PCDHGB3: variants seen among roughly 807,000 people sequenced by gnomAD.
The protein encoded by PCDHGB3 is protocadherin gamma-B3.
In PCDHGB3, 40 loss-of-function variants were observed where a neutral mutation model predicts 59.2. The observed-to-expected ratio is 0.68, with a 90% CI of 0.52 to 0.88. The LOEUF (loss-of-function observed/expected upper bound fraction) is 0.88. Among genes scored for constraint, PCDHGB3 ranks in the 40% least tolerant of loss-of-function variants. The pLI, the probability that PCDHGB3 is intolerant of heterozygous loss-of-function variation, is 0.00. For missense variants in PCDHGB3, 1,309 were observed against 1,187.9 expected, an observed-to-expected ratio of 1.10 and a Z score of -1.50; for synonymous variants, 581 against 503.6, an observed-to-expected ratio of 1.15 and a Z score of -2.06.
chr5:141,375,058 A>G (rs1346702145), intron 1 of PCDHGB3: 1 of 1,613,948 alleles, frequency 6.2e-7, no homozygotes, highest in Non-Finnish European at 8.5e-7. Flanking sequence ...GGGATGGGCC[A>G]GGTCTTCGAG....
intron 1 of PCDHGB3, chr5:141,413,463 G>A: frequency 6.2e-7 from 1 of 1,614,128 alleles, no homozygotes; most frequent in African/African-American, 1.3e-5. Flanking sequence ...GGATAGACCG[G>A]GAGGAGCTCT....
chr5:141,398,989 T>A lies in PCDHGB3; in HGVS notation c.2415+26180T>A, dbSNP rs766277028. 153 of 1,613,914 alleles carry A rather than the reference T, an allele frequency of 9.5e-5. No individual in the cohort carries two copies. The Middle Eastern group carries it at 3.6e-3, about 38-fold the overall frequency. ...TTCCTTCTACAGAACCGGGCAAATC[T>A]TTAGTCTGAATTCAAAGAGCGGAGA... is the stretch of plus-strand genomic sequence containing the variant. On this transcript the variant is annotated intron_variant, in intron 1 of 3. Coordinates refer to ENST00000576222, the MANE Select transcript of PCDHGB3 (RefSeq NM_018924.5).
intron 1 of PCDHGB3, chr5:141,419,971 C>T (rs1254783575): frequency 1.2e-6 from 2 of 1,613,942 alleles, no homozygotes; most frequent in African/African-American, 2.7e-5. Context: ...TGCTCTTTCT[C>T]CTCGCGGTGA....
chr5:141,413,435 G>T lies in PCDHGB3; in HGVS notation c.2415+40626G>T, dbSNP rs1018097924. 17 of 1,614,004 alleles carry T rather than the reference G, an allele frequency of 1.1e-5. No homozygotes were observed. The African/African-American group carries it at 2.1e-4, about 20-fold the overall frequency. On this transcript the variant is annotated intron_variant, in intron 1 of 3. Coordinates refer to ENST00000576222, the MANE Select transcript of PCDHGB3 (RefSeq NM_018924.5). Reference sequence around the variant, plus strand: ...TTCTCTCTGAACCCGCGCAGCGGCAGCTTGATCACCGCGGGCAGGATAGAC... The same window carrying T: ...TTCTCTCTGAACCCGCGCAGCGGCATCTTGATCACCGCGGGCAGGATAGAC...
At chr5:141,398,764 A>G in intron 1 of PCDHGB3, 2 of 1,613,924 alleles carry the variant, frequency 1.2e-6, no homozygotes, top group East Asian at 4.5e-5. Context: ...TTTAGTCCTG[A>G]CTGCCTTGGA....
intron 1 of PCDHGB3, among the ~76,000 whole-genome samples, chr5:141,465,348 A>C (rs886810999): frequency 6.6e-6 from 1 of 152,158 alleles, no homozygotes; most frequent in African/African-American, 2.4e-5. Context: ...GTTACTGAAG[A>C]AAAAATGGGT....
chr5:141,383,102 CCA>C lies in PCDHGB3; in HGVS notation c.2415+10294_2415+10295del, dbSNP rs1253092385. ...GCGGAGCGCGGAGTCCGCATCATCT[CCA>C]GAGGTAGGACGCAGCTTTTCGCCCT... On this transcript the variant is annotated intron_variant, in intron 1 of 3. Coordinates refer to ENST00000576222, the MANE Select transcript of PCDHGB3 (RefSeq NM_018924.5). 3 of 1,614,004 alleles carry C rather than the reference CCA, an allele frequency of 1.9e-6. No homozygotes were observed. In the South Asian group the frequency reaches 3.3e-5, roughly 18 times the overall value.
chr5:141,377,889 C>T (rs914946378), intron 1 of PCDHGB3: 1 of 152,056 alleles, frequency 6.6e-6, no homozygotes, highest in Non-Finnish European at 1.5e-5. Flanking sequence ...AGATAGGATC[C>T]CCCTCTGTTG....
chr5:141,395,370 G>C, intron 1 of PCDHGB3: 1 of 1,207,198 alleles, frequency 8.3e-7, no homozygotes, highest in Non-Finnish European at 1.1e-6. Context: ...GTTTATTTTG[G>C]TGGTGTTACT....
intron 1 of PCDHGB3, among the ~76,000 whole-genome samples, chr5:141,438,579 CATACATACATACAT>C (rs1434774868): frequency 9.0e-5 from 5 of 55,782 alleles, no homozygotes; most frequent in Admixed American, 2.8e-4. Context: ...GATATACATA[CATACATACATACAT>C]ATATATATAT....
intron 1 of PCDHGB3, chr5:141,383,056 G>A (rs768364409): frequency 4.3e-6 from 7 of 1,613,906 alleles, no homozygotes; most frequent in Non-Finnish European, 5.9e-6. Context: ...CAAGGACCTG[G>A]GGCTGGAGCC....
At position 141,431,260 on chromosome 5, in the gene PCDHGB3, G is replaced by A. The variant is rs762250032; in HGVS notation, c.2415+58451G>A. The A allele has an allele frequency of 6.2e-7, 1 of 1,614,170 alleles. No individual in the cohort carries two copies. The highest frequency in any genetic ancestry group is 2.2e-5 in the East Asian group (1 of 44,892). On this transcript the variant is annotated intron_variant, in intron 1 of 3. Coordinates refer to ENST00000576222, the MANE Select transcript of PCDHGB3 (RefSeq NM_018924.5). The surrounding 1 kb of genome is among the most constrained non-coding windows in gnomAD (Gnocchi z 4.8). The stretch of plus-strand genomic sequence containing the variant: ...ATCCGGATATCGGGAAGAACTCTCT[G>A]CAGAGCTACGAGCTCAGCCCGAACA...
chr5:141,404,164 G>A, intron 1 of PCDHGB3: 2 of 1,613,126 alleles, frequency 1.2e-6, no homozygotes, highest in South Asian at 2.2e-5. Context: ...ATTACAGATT[G>A]TTGACGGCCC....
intron 1 of PCDHGB3, among the ~76,000 whole-genome samples, chr5:141,381,686 AAAC>A (rs1269227136): frequency 2.6e-5 from 4 of 152,308 alleles, no homozygotes; most frequent in Non-Finnish European, 4.4e-5. Context: ...CAGCCAAGAC[AAAC>A]AACGATTTCT....
chr5:141,432,427 C>G lies in PCDHGB3; in HGVS notation c.2415+59618C>G. 5 of 1,614,242 alleles carry G rather than the reference C, an allele frequency of 3.1e-6. No homozygotes were observed. The highest frequency in any genetic ancestry group is 4.2e-6 in the Non-Finnish European group (5 of 1,180,036). On this transcript the variant is annotated intron_variant, in intron 1 of 3. Transcript: ENST00000576222. The surrounding 1 kb of genome is among the most constrained non-coding windows in gnomAD (Gnocchi z 6.0). ...TGAGCCTGTTCGTGCTGGACCAGAA[C>G]GACAATGCGCCCGAGATCCTGTACC... is the stretch of plus-strand genomic sequence containing the variant.
chr5:141,495,870 CCT>C (rs1183994771), intron 2 of PCDHGB3, among the ~76,000 whole-genome samples: 2 of 152,100 alleles, frequency 1.3e-5, no homozygotes. Flanking sequence ...TTTCTGCTTT[CCT>C]CTCTGTTCTT....
intron 1 of PCDHGB3, among the ~76,000 whole-genome samples, chr5:141,463,539 C>T (rs1408887405): frequency 6.7e-6 from 1 of 148,606 alleles, no homozygotes; most frequent in Admixed American, 6.8e-5. Context: ...AACTCCGGCT[C>T]CCGGGTTCAT....
intron 1 of PCDHGB3, chr5:141,492,015 G>A (rs117345436): frequency 3.3e-6 from 2 of 600,492 alleles, no homozygotes; most frequent in African/African-American, 1.9e-5. Context: ...CGCGGGTGTC[G>A]GGGGTCCCGG....
In PCDHGB3 at chr5:141,477,963, A is replaced by C; in HGVS notation, c.2416-16844A>C. ...TACAGTCTCTTGGGATCCCCTAACC[A>C]GAGCCTTTTTGCCATAGGGCTGCAC... On this transcript the variant is annotated intron_variant, in intron 1 of 3. Coordinates refer to ENST00000576222, the MANE Select transcript of PCDHGB3 (RefSeq NM_018924.5). The surrounding 1 kb of genome is among the most constrained non-coding windows in gnomAD (Gnocchi z 4.9). The C allele has an allele frequency of 1.2e-6, 2 of 1,614,118 alleles. No individual in the cohort carries two copies. The highest frequency in any genetic ancestry group is 1.7e-6 in the Non-Finnish European group (2 of 1,180,024).
Sources: allele counts gnomAD v4.1 joint callset (sites outside exome capture counted in the v4.1 genomes callset), GRCh38; gene constraint gnomAD v4.1.1; non-coding constraint Gnocchi (gnomAD v3.1); transcripts MANE v1.5; gene names NCBI Gene and HGNC (gene_info 2026-07-23, HGNC 2026-07-21).